Variants in RAB39A observed in about 807,000 individuals in gnomAD.
The protein encoded by RAB39A is ras-related protein Rab-39A.
Under a neutral mutation model 20.9 loss-of-function variants are expected in RAB39A, and 17 were observed. The observed-to-expected ratio is 0.81, with a 90% CI of 0.56 to 1.22. The LOEUF (loss-of-function observed/expected upper bound fraction) is 1.22. Ranked by LOEUF, RAB39A falls within the 50% of genes most tolerant of loss-of-function variation. The pLI is 0.00. For missense variants in RAB39A, 234 were observed against 270.5 expected (o/e 0.87, Z 0.95); for synonymous variants, 99 against 103.4 (o/e 0.96, Z 0.26).
chr11:107,935,749 A>C (rs1861188037), intron 1 of RAB39A, among the ~76,000 whole-genome samples: 2 of 152,100 alleles, frequency 1.3e-5, no homozygotes, highest in Admixed American at 6.6e-5. Flanking sequence ...AAAATTAGGA[A>C]TGCCTTTGTT....
At chr11:107,942,622 G>T (rs1861270948) in intron 1 of RAB39A, among the ~76,000 whole-genome samples, 2 of 152,194 alleles carry the variant, frequency 1.3e-5, no homozygotes, top group Admixed American at 1.3e-4. Context: ...CCAACACTCA[G>T]CCTCATTTCT....
At chr11:107,932,433 A>T (rs1388025012) in intron 1 of RAB39A, among the ~76,000 whole-genome samples, 1 of 152,220 alleles carries the variant, frequency 6.6e-6, no homozygotes, top group Non-Finnish European at 1.5e-5. Flanking sequence ...ATTTTCTGCC[A>T]TGCCTAGGAT....
At chr11:107,943,577 A>G (rs908235643) in intron 1 of RAB39A, among the ~76,000 whole-genome samples, 2 of 152,026 alleles carry the variant, frequency 1.3e-5, no homozygotes, top group African/African-American at 4.8e-5. Context: ...TCTCAAAAAA[A>G]AAAAAAAAAA....
intron 1 of RAB39A, among the ~76,000 whole-genome samples, chr11:107,941,732 A>G (rs1861260986): frequency 6.6e-6 from 1 of 152,218 alleles, no homozygotes; most frequent in Non-Finnish European, 1.5e-5. Context: ...TTAGATATAA[A>G]AAGGCTATAG....
intron 1 of RAB39A, among the ~76,000 whole-genome samples, chr11:107,943,880 A>AG (rs1337443586): frequency 6.6e-6 from 1 of 152,038 alleles, no homozygotes; most frequent in Admixed American, 6.6e-5. Flanking sequence ...GGATTACTTG[A>AG]GGTCAGGAGT....
chr11:107,953,170 T>A (rs1005378639), intron 1 of RAB39A, among the ~76,000 whole-genome samples: 1 of 148,088 alleles, frequency 6.8e-6, no homozygotes, highest in Non-Finnish European at 1.5e-5. Context: ...GTAGATCTCA[T>A]GCTATGTGTG....
intron 1 of RAB39A, among the ~76,000 whole-genome samples, chr11:107,947,608 A>T (rs901749345): frequency 6.6e-6 from 1 of 152,130 alleles, no homozygotes; most frequent in African/African-American, 2.4e-5. Flanking sequence ...AGAAACACTA[A>T]GGCAGTCATT....
At chr11:107,954,254 C>G (rs907027979) in intron 1 of RAB39A, among the ~76,000 whole-genome samples, 4 of 152,166 alleles carry the variant, frequency 2.6e-5, no homozygotes, top group African/African-American at 9.7e-5. Context: ...GCTTCCATCT[C>G]CCTACCATGA....
intron 1 of RAB39A, among the ~76,000 whole-genome samples, chr11:107,931,303 G>T (rs1861135083): frequency 6.6e-6 from 1 of 152,122 alleles, no homozygotes; most frequent in Admixed American, 6.6e-5. Context: ...TTAATGCCTT[G>T]AAGAAGAATG....
chr11:107,962,440 C>T lies in RAB39A; in HGVS notation c.*68C>T. The T allele has an allele frequency of 7.3e-7, 1 of 1,366,204 alleles. No individual in the cohort carries two copies. Among genetic ancestry groups the T allele is most frequent in the Non-Finnish European group, 1.0e-6 (1 of 1,002,140 alleles). The allele number at this position is 1,366,204 out of a possible 1,614,324, so 84.6% of individuals were successfully genotyped here. On this transcript the variant is annotated 3_prime_UTR_variant, in exon 2 of 2. Transcript: ENST00000320578. Reference sequence around the variant, plus strand: ...AGTTCAGGATAAATACCAACATTAACAGCAGAATGATGCAATGAAAGAATT... The same window carrying T: ...AGTTCAGGATAAATACCAACATTAATAGCAGAATGATGCAATGAAAGAATT...
Position 107,928,920 on chromosome 11 carries a change from A to G in RAB39A, c.227+125A>G. On this transcript the variant is annotated intron_variant, in intron 1 of 1. Coordinates refer to ENST00000320578, the MANE Select transcript of RAB39A (RefSeq NM_017516.3). The surrounding 1 kb of genome is among the most constrained non-coding windows in gnomAD (Gnocchi z 4.9). ...TCTGGCCCTTCCCTCTCGAAAGTGC[A>G]AACACTCCATTCTCGCTTCCCCTTT... 1.5e-6 allele frequency: 1 copy of G among 659,544 alleles called. No homozygotes were observed. 40.9% of individuals were successfully genotyped at this position (659,544 alleles called of 1,614,324 possible).
At chr11:107,961,893 G>A in intron 1 of RAB39A, 53 bp from the exon 2 acceptor site, 2 of 1,371,302 alleles carry the variant, frequency 1.5e-6, no homozygotes, top group South Asian at 2.7e-5. Flanking sequence ...GTTGGAAGGA[G>A]AAGAAAAAGA....
chr11:107,960,343 G>A (rs1261204914), intron 1 of RAB39A, among the ~76,000 whole-genome samples: 3 of 152,214 alleles, frequency 2.0e-5, no homozygotes, highest in East Asian at 1.9e-4. Context: ...CAGAATGCCA[G>A]TGGTTCAGAG....
chr11:107,936,343 C>G (rs546023095), intron 1 of RAB39A, among the ~76,000 whole-genome samples: 1 of 151,920 alleles, frequency 6.6e-6, no homozygotes, highest in Non-Finnish European at 1.5e-5. Flanking sequence ...CTCTTCCCCC[C>G]ACCCCATTTT....
rs1374842774 is a variant in RAB39A at position 107,962,059 on chromosome 11, A to G, written c.341A>G (p.Tyr114Cys). 6.2e-7 allele frequency: 1 copy of G among 1,614,022 alleles called. No homozygotes were observed. Among genetic ancestry groups the G allele is most frequent in the Non-Finnish European group, 8.5e-7 (1 of 1,180,004 alleles). ...VKDWLEEAKMYVQPFRIVFLL... is the reference protein window; with the variant it reads ...VKDWLEEAKMCVQPFRIVFLL... ...GATTGGCTAGAAGAAGCAAAAATGT[A>G]TGTACAGCCATTTCGGATTGTATTT... Residue 114 changes from tyrosine to cysteine, a missense_variant, in exon 2 of 2, where the codon TAT becomes TGT. Transcript: ENST00000320578.
rs376223086 is a variant in RAB39A at position 107,933,679 on chromosome 11, C to CTT, written c.227+4896_227+4897dup. ...GAGCTACTGTGCCTCACCTGTGATT[C>CTT]TTTTTTTTTTTTTGAGATGGAGTCT... On this transcript the variant is annotated intron_variant, in intron 1 of 1. Coordinates refer to ENST00000320578, the MANE Select transcript of RAB39A (RefSeq NM_017516.3). Among the ~76,000 whole-genome samples, 889 of 138,016 alleles carry CTT rather than the reference C, an allele frequency of 6.4e-3. 7 individuals are homozygous for CTT. The highest frequency in any genetic ancestry group is 0.022 in the African/African-American group (825 of 37,270). 90.5% of individuals were successfully genotyped at this position (138,016 alleles called of 152,430 possible). A position where few individuals can be genotyped will look rare whatever the true frequency, so the allele number is the denominator to read the frequency against.
chr11:107,943,217 T>C (rs1861277109), intron 1 of RAB39A, among the ~76,000 whole-genome samples: 1 of 152,166 alleles, frequency 6.6e-6, no homozygotes, highest in Non-Finnish European at 1.5e-5. Flanking sequence ...TCATAAGTAC[T>C]ATGAAATAGC....
Position 107,947,807 on chromosome 11 carries a change from CAAAAAAAA to C in RAB39A, c.228-14123_228-14116del, listed in dbSNP as rs35694249. ...CTGAGAAAGGAACAGCATCAACAGG[CAAAAAAAA>C]AAAAAAAAAAAAAAAGAATAAAAAT... On this transcript the variant is annotated intron_variant, in intron 1 of 1. Transcript: ENST00000320578. Among the ~76,000 whole-genome samples the C allele has an allele frequency of 2.4e-4, 19 of 80,224 alleles. No homozygotes were observed. The East Asian group carries it at 2.9e-3, about 12-fold the overall frequency. The allele number at this position is 80,224 out of a possible 152,430, so 52.6% of individuals were successfully genotyped here. A position where few individuals can be genotyped will look rare whatever the true frequency, so the allele number is the denominator to read the frequency against.
chr11:107,955,844 C>T (rs1591248927), intron 1 of RAB39A, among the ~76,000 whole-genome samples: 2 of 151,730 alleles, frequency 1.3e-5, no homozygotes, highest in South Asian at 4.2e-4. Context: ...ATCTCAGAAA[C>T]AATTATAAAA....
Sources: allele counts gnomAD v4.1 joint callset (sites outside exome capture counted in the v4.1 genomes callset), GRCh38; gene constraint gnomAD v4.1.1; non-coding constraint Gnocchi (gnomAD v3.1); transcripts MANE v1.5; gene names NCBI Gene and HGNC (gene_info 2026-07-23, HGNC 2026-07-21).